BANK1: variants seen among roughly 807,000 people sequenced by gnomAD.
The protein encoded by BANK1 is B cell scaffold protein with ankyrin repeats 1.
BANK1 carries 95 observed loss-of-function variants against 94.5 expected under a neutral mutation model. That is an observed-to-expected ratio of 1.00 (90% confidence interval 0.85 to 1.19). The LOEUF is 1.19. Among genes scored for constraint, BANK1 ranks in the 50% most tolerant of loss-of-function variants. The probability of loss-of-function intolerance (pLI) is 0.00; values close to 1 mark genes in which losing one functional copy is unlikely to be tolerated. For missense variants in BANK1, 987 were observed against 932.2 expected, an observed-to-expected ratio of 1.06 and a Z score of -0.77; for synonymous variants, 334 against 308.4, an observed-to-expected ratio of 1.08 and a Z score of -0.87.
At chr4:102,051,344 A>G (rs1019526079) in intron 11 of BANK1, among the ~76,000 whole-genome samples, 11 of 152,198 alleles carry the variant, frequency 7.2e-5, no homozygotes, top group African/African-American at 2.7e-4. Context: ...ATTGCTCACA[A>G]AAGTTTTTTG....
intron 5 of BANK1, among the ~76,000 whole-genome samples, chr4:101,889,490 C>T (rs1389262610): frequency 6.7e-6 from 1 of 149,838 alleles, no homozygotes; most frequent in Non-Finnish European, 1.5e-5. Context: ...CCCAGCTACT[C>T]GGGAGGCTGA....
intron 13 of BANK1, among the ~76,000 whole-genome samples, chr4:102,070,554 G>T (rs1345061635): frequency 1.3e-5 from 2 of 152,188 alleles, no homozygotes; most frequent in African/African-American, 2.4e-5. Context: ...CCTGGCACCT[G>T]TGATCAATTA....
At chr4:101,824,448 A>G (rs1578338653) in intron 1 of BANK1, among the ~76,000 whole-genome samples, 2 of 152,380 alleles carry the variant, frequency 1.3e-5, no homozygotes, top group East Asian at 3.9e-4. Flanking sequence ...CCACTTTCCC[A>G]GAGGAGAAAT....
At chr4:101,969,479 C>T (rs1724881728) in intron 7 of BANK1, among the ~76,000 whole-genome samples, 1 of 151,926 alleles carries the variant, frequency 6.6e-6, no homozygotes, top group Non-Finnish European at 1.5e-5. Context: ...ATAAATGTTA[C>T]ATAAACTAAG....
chr4:102,071,427 A>G, intron 14 of BANK1, 123 bp downstream of exon 14: 3 of 974,430 alleles, frequency 3.1e-6, no homozygotes, highest in East Asian at 2.4e-5. Context: ...CATAGATTTT[A>G]TATTTATATG....
intron 7 of BANK1, among the ~76,000 whole-genome samples, chr4:101,944,039 TGAGA>T (rs796144955): frequency 1.9e-4 from 24 of 126,814 alleles, no homozygotes; most frequent in African/African-American, 5.1e-4. Flanking sequence ...TGTGTGTGTG[TGAGA>T]GAGAGAGAGA....
chr4:101,928,663 G>T (rs576249995), intron 7 of BANK1, among the ~76,000 whole-genome samples: 4 of 151,634 alleles, frequency 2.6e-5, no homozygotes, highest in Non-Finnish European at 5.9e-5. Context: ...ATAAGAATGG[G>T]TAACTGCATA....
intron 7 of BANK1, among the ~76,000 whole-genome samples, chr4:101,931,630 A>G (rs1195803591): frequency 6.6e-6 from 1 of 151,418 alleles, no homozygotes; most frequent in Non-Finnish European, 1.5e-5. Context: ...TGTACATCCT[A>G]TTGGTTCTGT....
At chr4:101,860,631 A>C (rs1727835036) in intron 3 of BANK1, among the ~76,000 whole-genome samples, 1 of 151,964 alleles carries the variant, frequency 6.6e-6, no homozygotes, top group Admixed American at 6.6e-5. Context: ...GGGTTTCACC[A>C]TGTTGGCCAA....
intron 7 of BANK1, among the ~76,000 whole-genome samples, chr4:101,935,766 T>C (rs1477179650): frequency 1.3e-5 from 2 of 151,522 alleles, no homozygotes; most frequent in African/African-American, 2.4e-5. Context: ...TCCATACATC[T>C]ACAGTGAACT....
chr4:101,979,007 T>C (rs1356032704), intron 7 of BANK1, among the ~76,000 whole-genome samples: 1 of 152,056 alleles, frequency 6.6e-6, no homozygotes, highest in African/African-American at 2.4e-5. Context: ...CACATGACTT[T>C]TGCATCTTAT....
chr4:101,924,658 C>T (rs540283472), intron 7 of BANK1, among the ~76,000 whole-genome samples: 1 of 151,830 alleles, frequency 6.6e-6, no homozygotes, highest in South Asian at 2.1e-4. Context: ...AGTCCTTGAA[C>T]GTTTCTTACA....
intron 4 of BANK1, among the ~76,000 whole-genome samples, chr4:101,866,377 A>G (rs1303351800): frequency 6.6e-6 from 1 of 152,130 alleles, no homozygotes; most frequent in Non-Finnish European, 1.5e-5. Flanking sequence ...GAAATGTGGG[A>G]TGATTTCAGA....
intron 1 of BANK1, among the ~76,000 whole-genome samples, chr4:101,792,586 T>A (rs993019853): frequency 2.6e-5 from 4 of 151,590 alleles, no homozygotes; most frequent in African/African-American, 9.7e-5. Flanking sequence ...AGATCCAGAG[T>A]GTGAGTTGCT....
At chr4:102,041,945 A>G (rs1727716703) in intron 10 of BANK1, among the ~76,000 whole-genome samples, 1 of 152,016 alleles carries the variant, frequency 6.6e-6, no homozygotes, top group Non-Finnish European at 1.5e-5. Flanking sequence ...TGGAAAAATA[A>G]TTTCATTTCC....
At chr4:101,937,781 C>A (rs1261598074) in intron 7 of BANK1, among the ~76,000 whole-genome samples, 1 of 151,896 alleles carries the variant, frequency 6.6e-6, no homozygotes, top group African/African-American at 2.4e-5. Flanking sequence ...TATGAAGACA[C>A]ATGCACACAT....
chr4:101,799,768 G>A (rs1725292025), intron 1 of BANK1, among the ~76,000 whole-genome samples: 1 of 152,134 alleles, frequency 6.6e-6, no homozygotes, highest in African/African-American at 2.4e-5. Flanking sequence ...CAGCTACTTG[G>A]GAGGCTGAGG....
intron 1 of BANK1, among the ~76,000 whole-genome samples, chr4:101,793,297 C>T (rs114885566): frequency 2.7e-3 from 410 of 152,264 alleles, no homozygotes; most frequent in African/African-American, 9.3e-3. Flanking sequence ...TCCAACATAG[C>T]CAACGTCCTA....
intron 7 of BANK1, among the ~76,000 whole-genome samples, chr4:101,923,892 G>A (rs1292549374): frequency 6.6e-6 from 1 of 151,702 alleles, no homozygotes; most frequent in Non-Finnish European, 1.5e-5. Context: ...CTTAACATTT[G>A]ATATGGGATT....
Sources: gnomAD v4.1 joint callset for allele counts (sites outside exome capture counted in the v4.1 genomes callset) on GRCh38, gnomAD v4.1.1 for gene constraint, MANE v1.5 for transcripts, NCBI Gene and HGNC (gene_info 2026-07-23, HGNC 2026-07-21) for gene names.